The following EZR variants were observed in gnomAD, a reference collection of about 807,000 sequenced individuals.
EZR encodes the protein cytovillin 2.
A neutral mutation model predicts 74.8 loss-of-function variants in EZR; 40 were observed. The observed-to-expected ratio is 0.53, with a 90% CI of 0.42 to 0.70. The LOEUF (loss-of-function observed/expected upper bound fraction) is 0.70, where lower values mean the gene tolerates loss of function less well. Among genes scored for constraint, EZR ranks in the 30% least tolerant of loss-of-function variants. The pLI is 0.00. For missense variants in EZR, 678 were observed against 755.8 expected, an observed-to-expected ratio of 0.90 and a Z score of 1.21; for synonymous variants, 341 against 283.3, an observed-to-expected ratio of 1.20 and a Z score of -2.05.
chr6:158,803,382 A>G (rs908305640), intron 2 of EZR, among the ~76,000 whole-genome samples: 1 of 151,168 alleles, frequency 6.6e-6, no homozygotes, highest in African/African-American at 2.4e-5. Flanking sequence ...GAGACCCTCA[A>G]CTTCTGGTAA....
At chr6:158,808,198 A>C (rs1777383019) in intron 2 of EZR, among the ~76,000 whole-genome samples, 1 of 152,272 alleles carries the variant, frequency 6.6e-6, no homozygotes, top group Admixed American at 6.5e-5. Context: ...TTCCTTATCT[A>C]TGGGGAACAT....
intron 2 of EZR, among the ~76,000 whole-genome samples, chr6:158,809,508 A>T (rs1162761205): frequency 2.0e-5 from 3 of 152,182 alleles, no homozygotes; most frequent in African/African-American, 7.2e-5. Context: ...ACCCACCCAA[A>T]CACCAGCTTT....
chr6:158,817,979 A>ATTC, intron 2 of EZR, 103 bp downstream of exon 2: 1 of 1,168,478 alleles, frequency 8.6e-7, no homozygotes, highest in Non-Finnish European at 1.2e-6. Flanking sequence ...TGCGTGTGAG[A>ATTC]AGAACCCTGT....
intron 2 of EZR, among the ~76,000 whole-genome samples, chr6:158,799,914 T>C (rs77909794): frequency 0.024 from 3,584 of 152,356 alleles, 66 homozygotes; most frequent in Non-Finnish European, 0.034. Context: ...AGCGAACATC[T>C]TTCTTACATG....
chr6:158,767,331 C>T lies in EZR; in HGVS notation c.1526G>A (p.Arg509Gln), dbSNP rs139151592. Reference protein sequence around the residue: ...YSAELSSEGIRDDRNEEKRIT... With the variant: ...YSAELSSEGIQDDRNEEKRIT... ...GCGCTTCTCCTCATTGCGGTCATCC[C>T]GGATGCCCTCACTAGACAGCTCCGC... is the stretch of plus-strand genomic sequence containing the variant. The change falls in exon 13 of 14, where the codon CGG becomes CAG. Residue 509 changes from arginine to glutamine, a missense_variant. This residue lies in a region of EZR where 342 missense variants were observed against 341.2 expected (regional missense o/e 1.00). Coordinates refer to ENST00000367075, the MANE Select transcript of EZR (RefSeq NM_001111077.2). 98 of 1,614,038 alleles carry T rather than the reference C, an allele frequency of 6.1e-5. No individual in the cohort carries two copies. Among genetic ancestry groups the T allele is most frequent in the South Asian group, 7.7e-5 (7 of 91,090 alleles).
chr6:158,814,949 G>A (rs1777524091), intron 2 of EZR, among the ~76,000 whole-genome samples: 1 of 152,174 alleles, frequency 6.6e-6, no homozygotes, highest in African/African-American at 2.4e-5. Context: ...CACTCACTCA[G>A]TTCAGGCAAA....
intron 7 of EZR, among the ~76,000 whole-genome samples, chr6:158,780,194 A>AC (rs989245562): frequency 1.3e-5 from 2 of 151,642 alleles, no homozygotes; most frequent in Non-Finnish European, 2.9e-5. Context: ...AAAAAAAAAA[A>AC]AAAACCAAGA....
intron 2 of EZR, among the ~76,000 whole-genome samples, chr6:158,815,290 A>G (rs1289504761): frequency 6.6e-6 from 1 of 152,214 alleles, no homozygotes; most frequent in African/African-American, 2.4e-5. Context: ...GAAATGTCAT[A>G]TTCAAATATG....
At position 158,784,654 on chromosome 6, in the gene EZR, C is replaced by G. The variant is rs1791521864; in HGVS notation, c.541G>C (p.Gly181Arg). The G allele has an allele frequency of 6.2e-7, 1 of 1,614,164 alleles. No individual in the cohort carries two copies. Among genetic ancestry groups the G allele is most frequent in the Non-Finnish European group, 8.5e-7 (1 of 1,179,988 alleles). The change falls in exon 6 of 14, where the codon GGG becomes CGG. Residue 181 changes from glycine (G) to arginine (R), a missense_variant. Physicochemically the swap from Gly to Arg is moderately radical, Grantham distance 125. Transcript: ENST00000367075. Reference protein sequence around the residue: ...RIQVWHAEHRGMLKDNAMLEY... With the variant: ...RIQVWHAEHRRMLKDNAMLEY... ...GGGCACAGCACTCACTTGAGCATCC[C>G]ACGGTGTTCCGCATGCCACACCTGG...
chr6:158,768,169 C>T (rs939831775), intron 12 of EZR, among the ~76,000 whole-genome samples: 3 of 151,872 alleles, frequency 2.0e-5, no homozygotes, highest in Non-Finnish European at 2.9e-5. Flanking sequence ...ATGCTGTTCT[C>T]GTGCTAGTGG....
At chr6:158,795,209 G>A (rs1034979904) in intron 2 of EZR, among the ~76,000 whole-genome samples, 5 of 152,166 alleles carry the variant, frequency 3.3e-5, no homozygotes, top group South Asian at 4.1e-4. Context: ...CCAAGATCAC[G>A]CCACTGCACT....
chr6:158,776,859 C>A (rs1270218585), intron 7 of EZR, among the ~76,000 whole-genome samples: 1 of 152,180 alleles, frequency 6.6e-6, no homozygotes, highest in African/African-American at 2.4e-5. Context: ...CACATCACAT[C>A]ACCACACTCA....
chr6:158,774,679 A>ACG (rs1253513765), intron 8 of EZR, among the ~76,000 whole-genome samples: 4 of 31,394 alleles, frequency 1.3e-4, no homozygotes, highest in South Asian at 8.7e-4. Context: ...TCAAACACAC[A>ACG]CACACACACA....
At chr6:158,803,535 ATATATATATG>A (rs1403303839) in intron 2 of EZR, among the ~76,000 whole-genome samples, 989 of 4,502 alleles carry the variant, frequency 0.22, 54 homozygotes, top group African/African-American at 0.25. Flanking sequence ...CATTATATAT[ATATATATATG>A]TATATATATA....
chr6:158,803,055 T>C (rs1777222375), intron 2 of EZR, among the ~76,000 whole-genome samples: 1 of 152,006 alleles, frequency 6.6e-6, no homozygotes, highest in African/African-American at 2.4e-5. Flanking sequence ...CACCTCCTTT[T>C]CTAAACTGTT....
At chr6:158,789,725 G>GCCT (rs566459510) in intron 2 of EZR, among the ~76,000 whole-genome samples, 1,679 of 152,316 alleles carry the variant, frequency 0.011, 14 homozygotes, top group Middle Eastern at 0.017. Context: ...TCACACGAAC[G>GCCT]CCTCCCACCT....
intron 12 of EZR, among the ~76,000 whole-genome samples, chr6:158,768,485 G>C (rs928745184): frequency 1.3e-5 from 2 of 152,172 alleles, no homozygotes; most frequent in Admixed American, 1.3e-4. Flanking sequence ...AGAGCCGGGA[G>C]ACACGTCCCC....
intron 9 of EZR, 97 bp downstream of exon 9, chr6:158,771,147 T>C: frequency 6.7e-7 from 1 of 1,496,562 alleles, no homozygotes; most frequent in Non-Finnish European, 9.0e-7. Context: ...TCCACCACAC[T>C]CTCCCCATCA....
chr6:158,778,222 C>T (rs373779821), intron 7 of EZR, among the ~76,000 whole-genome samples: 7 of 152,170 alleles, frequency 4.6e-5, no homozygotes, highest in South Asian at 2.1e-4. Context: ...GCCAGCGTGC[C>T]GCATCCTGAA....
Sources: allele counts gnomAD v4.1 joint callset (sites outside exome capture counted in the v4.1 genomes callset), GRCh38; gene constraint gnomAD v4.1.1; regional missense constraint gnomAD v4.1.1; transcripts MANE v1.5; gene names NCBI Gene and HGNC (gene_info 2026-07-23, HGNC 2026-07-21).